Variants in KIAA0319 observed in about 807,000 individuals in gnomAD.
KIAA0319 encodes dyslexia-associated protein KIAA0319.
Under a neutral mutation model 108.4 loss-of-function variants are expected in KIAA0319, and 83 were observed. That is an observed-to-expected ratio of 0.77 (90% CI 0.64 to 0.92). KIAA0319 has a LOEUF of 0.92. Ranked by LOEUF, KIAA0319 falls within the 40% of genes least tolerant of loss-of-function variation. The pLI is 0.00. For missense variants in KIAA0319, 1,195 were observed against 1,322.4 expected (o/e 0.90, Z 1.49); for synonymous variants, 484 against 510.4 (o/e 0.95, Z 0.70).
chr6:24,571,603 C>T (rs1269023000), intron 11 of KIAA0319, among the ~76,000 whole-genome samples: 6 of 152,144 alleles, frequency 3.9e-5, no homozygotes, highest in African/African-American at 1.4e-4. Flanking sequence ...GCCCAACCTC[C>T]CCACCACCTC....
chr6:24,554,556 A>G lies in KIAA0319; in HGVS notation c.2933T>C (p.Ile978Thr), dbSNP rs1371359063. The G allele has an allele frequency of 1.2e-6, 2 of 1,612,964 alleles. No individual in the cohort carries two copies. The highest frequency in any genetic ancestry group is 1.7e-6 in the Non-Finnish European group (2 of 1,178,958). ...VLTGGFTWLCICCCKRQKRTK... is the reference protein window; with the variant it reads ...VLTGGFTWLCTCCCKRQKRTK... ...CTCTAGGTACCTTTTGCAGCAGCAG[A>G]TGCAAAGCCAAGTGAAACCTCCTGT... Residue 978 changes from isoleucine (I) to threonine (T), a missense_variant, in exon 19 of 21, where the codon ATC becomes ACC. Coordinates refer to ENST00000378214, the MANE Select transcript of KIAA0319 (RefSeq NM_014809.4).
intron 19 of KIAA0319, among the ~76,000 whole-genome samples, chr6:24,553,453 C>CCT (rs539523509): frequency 2.8e-3 from 428 of 150,580 alleles, no homozygotes; most frequent in Non-Finnish European, 5.1e-3. Flanking sequence ...ACAGAATCTC[C>CCT]CTCTCTCTCT....
At chr6:24,603,053 C>T (rs1770880599) in intron 1 of KIAA0319, among the ~76,000 whole-genome samples, 1 of 152,168 alleles carries the variant, frequency 6.6e-6, no homozygotes. Context: ...TTTAAACATT[C>T]TAAGTGAGAA....
At chr6:24,555,480 G>A (rs1410005246) in intron 18 of KIAA0319, among the ~76,000 whole-genome samples, 2 of 116,398 alleles carry the variant, frequency 1.7e-5, no homozygotes, top group African/African-American at 6.7e-5. Flanking sequence ...CTGGGTGACA[G>A]AGCAAGACTC....
In KIAA0319 at chr6:24,547,301, A is replaced by G; in HGVS notation, c.3083T>C (p.Val1028Ala). The change falls in exon 21 of 21, where the codon GTA (valine) becomes GCA (alanine). Residue 1028 changes from valine to alanine, a missense_variant. Coordinates refer to ENST00000378214, the MANE Select transcript of KIAA0319 (RefSeq NM_014809.4). ...GTCACTGTCAAACTCAGACTCGGAT[A>G]CCATCAGGCTGGAGTTGTGCTCTGT... ...RSTEHNSSLM[V>A]SESEFDSDQD... is the part of the protein sequence containing the mutation. 1 of 1,614,166 alleles carries G rather than the reference A, an allele frequency of 6.2e-7. No homozygotes were observed. Among genetic ancestry groups the G allele is most frequent in the South Asian group, 1.1e-5 (1 of 91,088 alleles).
rs534855037 is a variant in KIAA0319 at position 24,622,670 on chromosome 6, C to G, written c.-105-21462G>C. On this transcript the variant is annotated intron_variant, in intron 1 of 20. Transcript: ENST00000378214. ...ATCTGTTCTTCGCATTTTAAACATC[C>G]TAACATACCTAATAATCAAACTAAC... Among the ~76,000 whole-genome samples, 4 of 152,282 alleles carry G rather than the reference C, an allele frequency of 2.6e-5. No homozygotes were observed. In the South Asian group the frequency reaches 8.3e-4, roughly 32 times the overall value.
rs58431757 is a variant in KIAA0319, at chr6:24,624,043, T to A, written c.-106+21693A>T. Among the ~76,000 whole-genome samples, 724 of 144,534 alleles carry A rather than the reference T, an allele frequency of 5.0e-3. 6 individuals are homozygous for A. The highest frequency in any genetic ancestry group is 0.017 in the African/African-American group (655 of 39,100). The allele number at this position is 144,534 out of a possible 152,430, so 94.8% of individuals were successfully genotyped here. A position where few individuals can be genotyped will look rare whatever the true frequency, so the allele number is the denominator to read the frequency against. ...TTTTTTTTTTTTTTTTTTTTTTTTT[T>A]AGACAAGGTCTCACTCTATCACGCA... On this transcript the variant is annotated intron_variant, in intron 1 of 20. Transcript: ENST00000378214.
At chr6:24,608,331 A>G (rs16889516) in intron 1 of KIAA0319, among the ~76,000 whole-genome samples, 20,632 of 152,132 alleles carry the variant, frequency 0.14, 1,727 homozygotes, top group Non-Finnish European at 0.18. Flanking sequence ...AATAGTCTCA[A>G]TATCATAAAT....
At chr6:24,567,314 C>T (rs1306819502) in intron 13 of KIAA0319, among the ~76,000 whole-genome samples, 1 of 152,012 alleles carries the variant, frequency 6.6e-6, no homozygotes, top group Non-Finnish European at 1.5e-5. Context: ...CCAGCCGGGG[C>T]AACACAACAA....
chr6:24,586,691 A>T (rs1043110349), intron 4 of KIAA0319, among the ~76,000 whole-genome samples: 1 of 152,028 alleles, frequency 6.6e-6, no homozygotes, highest in Non-Finnish European at 1.5e-5. Flanking sequence ...TTCCCTGGGC[A>T]TCTCCCACGT....
intron 18 of KIAA0319, among the ~76,000 whole-genome samples, chr6:24,556,332 A>ATT (rs1762282566): frequency 6.6e-6 from 1 of 151,846 alleles, no homozygotes; most frequent in African/African-American, 2.4e-5. Context: ...AGGCACACGC[A>ATT]ACCACACTCA....
chr6:24,587,381 T>C (rs543749561), intron 4 of KIAA0319, among the ~76,000 whole-genome samples: 211 of 151,602 alleles, frequency 1.4e-3, no homozygotes, highest in Admixed American at 3.7e-3. Context: ...CCCGGGTTCA[T>C]GCCATTCTCC....
intron 2 of KIAA0319, chr6:24,598,877 TAA>T: frequency 3.0e-5 from 9 of 300,506 alleles, no homozygotes; most frequent in East Asian, 1.5e-4. Context: ...AGACTGCATT[TAA>T]AAAAAAAATA....
intron 19 of KIAA0319, among the ~76,000 whole-genome samples, chr6:24,553,005 G>A (rs1182560197): frequency 6.6e-6 from 1 of 152,050 alleles, no homozygotes; most frequent in Non-Finnish European, 1.5e-5. Context: ...AGAGGGTTGA[G>A]CATGGGGTTC....
intron 1 of KIAA0319, among the ~76,000 whole-genome samples, chr6:24,639,452 G>A (rs988254898): frequency 1.3e-5 from 2 of 152,100 alleles, no homozygotes; most frequent in Non-Finnish European, 2.9e-5. Flanking sequence ...ATAAAATAAA[G>A]GTTCTTTTAA....
At chr6:24,553,387 G>A (rs934624453) in intron 19 of KIAA0319, among the ~76,000 whole-genome samples, 1 of 147,466 alleles carries the variant, frequency 6.8e-6, no homozygotes, top group African/African-American at 2.5e-5. Context: ...CACAGTTCCT[G>A]GCTAATAACT....
At chr6:24,623,874 T>C (rs973544101) in intron 1 of KIAA0319, among the ~76,000 whole-genome samples, 12 of 152,184 alleles carry the variant, frequency 7.9e-5, no homozygotes, top group African/African-American at 2.9e-4. Context: ...ATTGTATGCT[T>C]GTGTCAAAAC....
chr6:24,547,101 C>T lies in KIAA0319; in HGVS notation c.*64G>A. ...CTATTCTAAAAGAGTGGGTTTTGTG[C>T]TGTAACTCCCACTGACTGGTCTTGG... is the stretch of plus-strand genomic sequence containing the variant. On this transcript the variant is annotated 3_prime_UTR_variant, in exon 21 of 21. Transcript: ENST00000378214. 6 of 1,516,490 alleles carry T rather than the reference C, an allele frequency of 4.0e-6. No homozygotes were observed. The highest frequency in any genetic ancestry group is 1.7e-5 in the Admixed American group (1 of 59,308). 93.9% of individuals were successfully genotyped at this position (1,516,490 alleles called of 1,614,324 possible).
chr6:24,580,435 G>C (rs1766320092), intron 7 of KIAA0319, among the ~76,000 whole-genome samples: 1 of 152,056 alleles, frequency 6.6e-6, no homozygotes, highest in Non-Finnish European at 1.5e-5. Flanking sequence ...ACAGGTGAGG[G>C]GTTGGTGGAG....
Sources: gnomAD v4.1 joint callset for allele counts (sites outside exome capture counted in the v4.1 genomes callset) on GRCh38, gnomAD v4.1.1 for gene constraint, MANE v1.5 for transcripts, NCBI Gene and HGNC (gene_info 2026-07-23, HGNC 2026-07-21) for gene names.